The following MYO16 variants were observed in gnomAD, a reference collection of about 807,000 sequenced individuals.
The protein encoded by MYO16 is myosin XVI.
In MYO16, 94 loss-of-function variants were observed where a neutral mutation model predicts 205.3. The observed-to-expected ratio is 0.46, with a 90% CI of 0.39 to 0.54. MYO16 has a LOEUF of 0.54. MYO16 is among the 20% of genes least tolerant of loss of function. The probability of loss-of-function intolerance (pLI) is 0.00; values close to 1 mark genes in which losing one functional copy is unlikely to be tolerated. For missense variants in MYO16, 2,315 were observed against 2,387.5 expected (o/e 0.97, Z 0.63); for synonymous variants, 988 against 954.0 (o/e 1.04, Z -0.66).
intron 1 of MYO16, among the ~76,000 whole-genome samples, chr13:108,608,835 G>A (rs571923218): frequency 6.6e-6 from 1 of 152,110 alleles, no homozygotes; most frequent in South Asian, 2.1e-4. Flanking sequence ...GTAAAGACAG[G>A]GTTTCACCAT....
chr13:109,158,722 G>C (rs1391000021), intron 32 of MYO16, among the ~76,000 whole-genome samples: 1 of 144,868 alleles, frequency 6.9e-6, no homozygotes, highest in South Asian at 2.2e-4. Flanking sequence ...GGAAAGGTGA[G>C]CTTTTTTAAA....
intron 10 of MYO16, among the ~76,000 whole-genome samples, chr13:108,848,413 T>A (rs1303582712): frequency 6.6e-6 from 1 of 152,240 alleles, no homozygotes; most frequent in East Asian, 1.9e-4. Flanking sequence ...ATCTTAATCC[T>A]CAAAATGTCA....
intron 31 of MYO16, among the ~76,000 whole-genome samples, chr13:109,133,617 C>G (rs1424720033): frequency 3.3e-5 from 5 of 152,178 alleles, no homozygotes; most frequent in African/African-American, 4.8e-5. Context: ...AGTCTAACTC[C>G]TAAGCTACTG....
intron 34 of MYO16, among the ~76,000 whole-genome samples, chr13:109,182,439 G>A (rs758045521): frequency 2.6e-5 from 4 of 152,086 alleles, no homozygotes; most frequent in Non-Finnish European, 5.9e-5. Context: ...AATATTAGTC[G>A]GAGAAGAACT....
At chr13:108,939,820 T>C (rs914587571) in intron 16 of MYO16, among the ~76,000 whole-genome samples, 3 of 152,172 alleles carry the variant, frequency 2.0e-5, no homozygotes, top group Admixed American at 1.3e-4. Flanking sequence ...ACCTATAGTG[T>C]TGTCATACTA....
chr13:108,511,316 G>A, the MYO16 span, among the ~76,000 whole-genome samples: 2 of 115,264 alleles, frequency 1.7e-5, no homozygotes, highest in Non-Finnish European at 3.6e-5. Context: ...TTTTTGATGG[G>A]GTTGTTTGTT....
At chr13:109,186,004 A>C (rs1489958795) in intron 34 of MYO16, among the ~76,000 whole-genome samples, 2 of 152,038 alleles carry the variant, frequency 1.3e-5, no homozygotes, top group Non-Finnish European at 1.5e-5. Flanking sequence ...TCTAAGAATT[A>C]GCTCCAGGTG....
chr13:108,961,052 G>A (rs116098933), intron 17 of MYO16, among the ~76,000 whole-genome samples: 2 of 151,950 alleles, frequency 1.3e-5, no homozygotes, highest in Non-Finnish European at 2.9e-5. Flanking sequence ...TGTAATCATC[G>A]TGTTAATTTA....
chr13:109,019,716 A>G lies in MYO16; in HGVS notation c.2601A>G (p.Pro867=). Residue 867 remains proline (P), a synonymous_variant, in exon 23 of 35, where the codon CCA becomes CCG. Transcript: ENST00000457511. ...CATCTCTTCTTAACTCTCAGAAGCC[A>G]TCTGGATTTCTCACCTTATTGGATG... The part of the protein sequence containing the change: ...NGVLDFFFQK[P]SGFLTLLDEE... 1 of 1,613,644 alleles carries G rather than the reference A, an allele frequency of 6.2e-7. No homozygotes were observed. Among genetic ancestry groups the G allele is most frequent in the Non-Finnish European group, 8.5e-7 (1 of 1,179,674 alleles).
At chr13:109,089,976 A>G (rs544505829) in intron 27 of MYO16, among the ~76,000 whole-genome samples, 12 of 152,318 alleles carry the variant, frequency 7.9e-5, no homozygotes, top group Admixed American at 3.3e-4. Flanking sequence ...GCCCTTCCCT[A>G]TGGTTCCAAG....
At chr13:108,715,168 G>C (rs373663655) in intron 3 of MYO16, among the ~76,000 whole-genome samples, 1 of 152,106 alleles carries the variant, frequency 6.6e-6, no homozygotes, top group African/African-American at 2.4e-5. Flanking sequence ...TGCTGACACC[G>C]GCCACCTTGC....
rs1879460119 is a variant in MYO16 at position 109,181,799 on chromosome 13, A to AATTTATAT, written c.5415+2172_5415+2173insATATTTAT. On this transcript the variant is annotated intron_variant, in intron 34 of 34. Coordinates refer to ENST00000457511, the MANE Select transcript of MYO16 (RefSeq NM_001198950.3). The stretch of plus-strand genomic sequence containing the variant: ...CAGGAGTCATTCAACTGTTTCATAA[A>AATTTATAT]ATTTATTTATTTATTTATTTTATTT... 2.7e-5 allele frequency among the ~76,000 whole-genome samples: 4 copies of AATTTATAT among 148,232 alleles called. No homozygotes were observed. The South Asian group carries it at 8.6e-4, about 32-fold the overall frequency.
intron 1 of MYO16, among the ~76,000 whole-genome samples, chr13:108,597,566 CA>C (rs1419751268): frequency 6.6e-6 from 1 of 152,130 alleles, no homozygotes; most frequent in Non-Finnish European, 1.5e-5. Flanking sequence ...TTGGTAACTT[CA>C]AAAACCCTTA....
chr13:108,611,940 T>C (rs753160517), intron 1 of MYO16, among the ~76,000 whole-genome samples: 1 of 150,604 alleles, frequency 6.6e-6, no homozygotes, highest in Non-Finnish European at 1.5e-5. Flanking sequence ...ATGAGCTAGA[T>C]AGAAGGCAGG....
At chr13:108,591,862 A>T (rs1640600508), upstream of MYO16, among the ~76,000 whole-genome samples, 1 of 152,042 alleles carries the variant, frequency 6.6e-6, no homozygotes, top group African/African-American at 2.4e-5. Context: ...GAGTGTAGAG[A>T]AGAAAAGAAA....
chr13:108,789,814 C>A (rs556456749), intron 5 of MYO16, among the ~76,000 whole-genome samples: 3 of 152,118 alleles, frequency 2.0e-5, no homozygotes, highest in South Asian at 4.1e-4. Flanking sequence ...GCCTGTTTAG[C>A]TTTGTTTCCT....
the MYO16 span, among the ~76,000 whole-genome samples, chr13:108,542,887 ATTTAT>A: frequency 6.6e-6 from 1 of 151,380 alleles, no homozygotes; most frequent in African/African-American, 2.4e-5. Context: ...ATTTATAGTA[ATTTAT>A]TTTATAATAA....
chr13:108,882,804 T>A (rs528342289), intron 12 of MYO16, among the ~76,000 whole-genome samples: 2 of 152,284 alleles, frequency 1.3e-5, no homozygotes, highest in Non-Finnish European at 2.9e-5. Flanking sequence ...TTGCTCTTCT[T>A]AAAGACAGCA....
the MYO16 span, among the ~76,000 whole-genome samples, chr13:108,518,904 A>G: frequency 2.0e-5 from 3 of 152,168 alleles, no homozygotes; most frequent in South Asian, 4.1e-4. Context: ...ATTCATGATT[A>G]TTTTAATTTT....
Sources: allele counts gnomAD v4.1 joint callset (sites outside exome capture counted in the v4.1 genomes callset), GRCh38; gene constraint gnomAD v4.1.1; transcripts MANE v1.5; gene names NCBI Gene and HGNC (gene_info 2026-07-23, HGNC 2026-07-21).